GOSR1: variants seen among roughly 807,000 people sequenced by gnomAD.
GOSR1 encodes the protein 28 kDa Golgi SNARE protein.
Under a neutral mutation model 35.5 loss-of-function variants are expected in GOSR1, and 21 were observed. The observed-to-expected ratio is 0.59, with a 90% confidence interval of 0.42 to 0.85. The LOEUF is 0.85. Among genes scored for constraint, GOSR1 ranks in the 40% least tolerant of loss-of-function variants. GOSR1 has a pLI of 0.00. For synonymous variants in GOSR1, 94 were observed against 106.6 expected (o/e 0.88, Z 0.73); for missense variants, 285 against 309.6 (o/e 0.92, Z 0.60).
Position 30,482,644 on chromosome 17 carries a change from T to C in GOSR1, c.146+1387T>C, listed in dbSNP as rs550933739. 2.5e-3 allele frequency among the ~76,000 whole-genome samples: 378 copies of C among 152,352 alleles called. 1 individual carries two copies. The highest frequency in any genetic ancestry group is 8.8e-3 in the African/African-American group (364 of 41,580). On this transcript the variant is annotated intron_variant, in intron 2 of 8. Transcript: ENST00000451249. ...ACACTCTAAACCCTACTATAGTGTATACATTTGAACAAAAAGCTGATTTCA... is the reference window on the plus strand; with the variant it reads ...ACACTCTAAACCCTACTATAGTGTACACATTTGAACAAAAAGCTGATTTCA...
rs772278269 is a variant in GOSR1 at position 30,522,287 on chromosome 17, G to T, written c.656G>T (p.Arg219Met). 5 of 1,610,786 alleles carry T rather than the reference G, an allele frequency of 3.1e-6. No homozygotes were observed. In the Admixed American group the frequency reaches 6.7e-5, roughly 22 times the overall value. Residue 219 changes from arginine (R) to methionine (M), a missense_variant, in exon 9 of 9, where the codon AGG becomes ATG. By Grantham distance (91) the Arg-to-Met change is moderately conservative. Coordinates refer to ENST00000451249, the MANE Select transcript of GOSR1 (RefSeq NM_001007025.2). ...RFPAVNSLIQ[R>M]INLRKRRDSL... ...CCTGCTGTAAACAGCCTGATCCAGA[G>T]GATCAACCTGAGGAAGCGGCGGGAC...
intron 6 of GOSR1, among the ~76,000 whole-genome samples, chr17:30,498,809 C>T (rs1054324849): frequency 4.6e-5 from 7 of 152,160 alleles, no homozygotes; most frequent in Non-Finnish European, 7.3e-5. Flanking sequence ...TGAGTGTCAC[C>T]GGGGTCAGCC....
At chr17:30,499,327 C>T (rs978567828) in intron 6 of GOSR1, among the ~76,000 whole-genome samples, 3 of 147,778 alleles carry the variant, frequency 2.0e-5, no homozygotes, top group African/African-American at 7.5e-5. Context: ...TGTGTGGTCA[C>T]ATGTTCTCAT....
intron 6 of GOSR1, chr17:30,495,484 G>GC: frequency 2.2e-6 from 1 of 454,514 alleles, no homozygotes; most frequent in Non-Finnish European, 4.4e-6. Context: ...AGCAGAAAAA[G>GC]CCTCATCTCT....
Position 30,526,273 on chromosome 17 carries a change from T to C in GOSR1, c.*3895T>C, listed in dbSNP as rs959074575. 1 of 150,834 alleles carries C rather than the reference T, an allele frequency of 6.6e-6. No individual in the cohort carries two copies. The highest frequency in any genetic ancestry group is 1.5e-5 in the Non-Finnish European group (1 of 68,034). The allele number at this position is 150,834 out of a possible 1,614,324, so 9.3% of individuals were successfully genotyped here. A position where few individuals can be genotyped will look rare whatever the true frequency, so the allele number is the denominator to read the frequency against. On this transcript the variant is annotated 3_prime_UTR_variant, in exon 9 of 9. Coordinates refer to ENST00000451249, the MANE Select transcript of GOSR1 (RefSeq NM_001007025.2). ...AGTTATGCCCCCTCAACTATTGTCT[T>C]ATTATAATGAATCTTTCCTTTTTGG...
chr17:30,508,131 T>G (rs1244017668), intron 6 of GOSR1, among the ~76,000 whole-genome samples: 1 of 152,252 alleles, frequency 6.6e-6, no homozygotes, highest in African/African-American at 2.4e-5. Flanking sequence ...TTAACTTGTT[T>G]AGTAAGACAT....
chr17:30,514,336 G>A (rs1460998984), intron 7 of GOSR1, among the ~76,000 whole-genome samples: 1 of 152,048 alleles, frequency 6.6e-6, no homozygotes, highest in African/African-American at 2.4e-5. Context: ...TACCTACTTG[G>A]GATTAGTGCC....
intron 7 of GOSR1, among the ~76,000 whole-genome samples, chr17:30,519,461 A>G (rs1393018729): frequency 6.6e-6 from 1 of 152,220 alleles, no homozygotes; most frequent in Admixed American, 6.5e-5. Flanking sequence ...ATTTTGGAAC[A>G]TAATCTCTTC....
At chr17:30,479,465 A>G (rs1914187411) in intron 1 of GOSR1, 1 of 152,172 alleles carries the variant, frequency 6.6e-6, no homozygotes, top group Non-Finnish European at 1.5e-5. Flanking sequence ...CACATTGTTT[A>G]TTGTTAGTTT....
Position 30,519,919 on chromosome 17 carries a change from A to G in GOSR1, c.540-20A>G. 6.7e-7 allele frequency: 1 copy of G among 1,494,200 alleles called. No individual in the cohort carries two copies. The highest frequency in any genetic ancestry group is 9.3e-7 in the Non-Finnish European group (1 of 1,072,178). 92.6% of individuals were successfully genotyped at this position (1,494,200 alleles called of 1,614,324 possible). A position where few individuals can be genotyped will look rare whatever the true frequency, so the allele number is the denominator to read the frequency against. On this transcript the variant is annotated intron_variant, in intron 7 of 8. Coordinates refer to ENST00000451249, the MANE Select transcript of GOSR1 (RefSeq NM_001007025.2). ...GGATAATCTTAAATGGTGATTTGTC[A>G]TCTTTTTTTCCCCTTGCAGCATTGC...
chr17:30,526,992 C>T lies in GOSR1; in HGVS notation c.*4614C>T, dbSNP rs1230520661. On this transcript the variant is annotated 3_prime_UTR_variant, in exon 9 of 9. Coordinates refer to ENST00000451249, the MANE Select transcript of GOSR1 (RefSeq NM_001007025.2). ...CAGAAACCATCATATGAACAGTCCA[C>T]TAGTATTTTAGCCCTAGAAGTGAAG... 1.3e-5 allele frequency: 2 copies of T among 152,122 alleles called. No homozygotes were observed. Among genetic ancestry groups the T allele is most frequent in the African/African-American group, 4.8e-5 (2 of 41,392 alleles). The allele number at this position is 152,122 out of a possible 1,614,324, so 9.4% of individuals were successfully genotyped here.
At chr17:30,486,711 AT>A (rs1442105004) in intron 4 of GOSR1, among the ~76,000 whole-genome samples, 5 of 152,210 alleles carry the variant, frequency 3.3e-5, no homozygotes, top group Admixed American at 6.5e-5. Flanking sequence ...ATGATAGGAA[AT>A]AAATGATAAC....
intron 6 of GOSR1, among the ~76,000 whole-genome samples, chr17:30,499,342 CTTTTTT>C (rs3039523): frequency 7.5e-6 from 1 of 133,752 alleles, no homozygotes; most frequent in Non-Finnish European, 1.6e-5. Context: ...TCTCATTCCT[CTTTTTT>C]TTTTTTTTTT....
intron 6 of GOSR1, among the ~76,000 whole-genome samples, chr17:30,504,582 G>T (rs6505190): frequency 0.013 from 1,908 of 152,198 alleles, 35 homozygotes; most frequent in African/African-American, 0.044. Context: ...AATAGAAAAT[G>T]GTTTCATTAC....
chr17:30,480,347 A>G (rs1293852220), intron 1 of GOSR1, among the ~76,000 whole-genome samples: 5 of 152,178 alleles, frequency 3.3e-5, no homozygotes, highest in Admixed American at 1.3e-4. Flanking sequence ...TCATTTTGCT[A>G]TTATGAAAAG....
intron 6 of GOSR1, among the ~76,000 whole-genome samples, chr17:30,499,343 T>C (rs936811523): frequency 2.3e-3 from 54 of 23,574 alleles, no homozygotes; most frequent in Non-Finnish European, 1.4e-3. Context: ...CTCATTCCTC[T>C]TTTTTTTTTT....
chr17:30,515,370 ACT>A (rs1205581596), intron 7 of GOSR1, among the ~76,000 whole-genome samples: 1 of 151,006 alleles, frequency 6.6e-6, no homozygotes, highest in Non-Finnish European at 1.5e-5. Context: ...GTGTTGGGAA[ACT>A]CATCCTGTGA....
chr17:30,519,870 T>TTA (rs1327782252), intron 7 of GOSR1, 69 bp from the exon 8 acceptor site: 1 of 932,660 alleles, frequency 1.1e-6, no homozygotes. Context: ...TCTTTCACTT[T>TTA]TAAAGGCATG....
intron 1 of GOSR1, chr17:30,478,905 A>C (rs1171569894): frequency 6.6e-6 from 1 of 152,214 alleles, no homozygotes; most frequent in African/African-American, 2.4e-5. Flanking sequence ...TATCTTTATT[A>C]CTAGTCATTA....
Sources: allele counts gnomAD v4.1 joint callset (sites outside exome capture counted in the v4.1 genomes callset), GRCh38; gene constraint gnomAD v4.1.1; transcripts MANE v1.5; gene names NCBI Gene and HGNC (gene_info 2026-07-23, HGNC 2026-07-21).